Variants in LRP12 observed in about 807,000 individuals in gnomAD.
LRP12 encodes the protein LDL receptor related protein 12, also known as low-density lipoprotein receptor-related protein 12.
Under a neutral mutation model 66.0 loss-of-function variants are expected in LRP12, and 14 were observed. The ratio of observed to expected loss-of-function variants is 0.21; its 90% CI spans 0.14 to 0.33. LRP12 has a LOEUF of 0.33. Ranked by LOEUF, LRP12 falls within the 10% of genes least tolerant of loss-of-function variation. The probability of loss-of-function intolerance (pLI) is 1.00; values close to 1 mark genes in which losing one functional copy is unlikely to be tolerated. For missense variants in LRP12, 889 were observed against 1,053.4 expected (o/e 0.84, Z 2.16); for synonymous variants, 357 against 359.1 (o/e 0.99, Z 0.07).
intron 1 of LRP12, among the ~76,000 whole-genome samples, chr8:104,537,210 A>G (rs371106895): frequency 6.6e-6 from 1 of 152,068 alleles, no homozygotes; most frequent in Non-Finnish European, 1.5e-5. Flanking sequence ...GGAGAACCCA[A>G]GCAAAGCAGG....
At chr8:104,568,217 T>C (rs1256619874) in intron 1 of LRP12, among the ~76,000 whole-genome samples, 1 of 152,042 alleles carries the variant, frequency 6.6e-6, no homozygotes, top group African/African-American at 2.4e-5. Flanking sequence ...AAGGAAACCA[T>C]GTGCAAAAGA....
intron 1 of LRP12, among the ~76,000 whole-genome samples, chr8:104,544,542 G>A (rs78416918): frequency 0.031 from 4,659 of 152,220 alleles, 238 homozygotes; most frequent in African/African-American, 0.11. Flanking sequence ...CTCTCCTGTT[G>A]CAGGCTAATG....
chr8:104,553,249 G>C (rs376689975), intron 1 of LRP12, among the ~76,000 whole-genome samples: 1 of 152,190 alleles, frequency 6.6e-6, no homozygotes, highest in African/African-American at 2.4e-5. Flanking sequence ...GGGGAAAATG[G>C]GGAGTGCAGA....
intron 2 of LRP12, among the ~76,000 whole-genome samples, chr8:104,512,818 G>T (rs1216673794): frequency 6.6e-6 from 1 of 151,760 alleles, no homozygotes; most frequent in Non-Finnish European, 1.5e-5. Flanking sequence ...AACGGCCCAG[G>T]GATAAGACAT....
rs77451614 is a variant in LRP12 at position 104,511,574 on chromosome 8, G to A, written c.137-2500C>T. ...CAGGGGTTATACACTTTTCAATTTA[G>A]GTTAAGAATGCTAGGAAGTATATTA... On this transcript the variant is annotated intron_variant, in intron 2 of 6. Transcript: ENST00000276654. Among the ~76,000 whole-genome samples, 744 of 151,934 alleles carry A rather than the reference G, an allele frequency of 4.9e-3. 8 individuals are homozygous for A. Among genetic ancestry groups the A allele is most frequent in the African/African-American group, 0.017 (705 of 41,460 alleles).
chr8:104,524,354 A>C (rs1811197969), intron 2 of LRP12, among the ~76,000 whole-genome samples: 1 of 152,146 alleles, frequency 6.6e-6, no homozygotes. Flanking sequence ...GCTATTGAGT[A>C]CTTAAACTTT....
chr8:104,573,742 A>G (rs954891359), intron 1 of LRP12, among the ~76,000 whole-genome samples: 1 of 151,780 alleles, frequency 6.6e-6, no homozygotes, highest in Admixed American at 6.6e-5. Flanking sequence ...TAAACACTGA[A>G]CTCAACAAAA....
chr8:104,579,084 A>C (rs1812207659), intron 1 of LRP12, among the ~76,000 whole-genome samples: 1 of 152,158 alleles, frequency 6.6e-6, no homozygotes, highest in Non-Finnish European at 1.5e-5. Context: ...CGGTTAGGGT[A>C]ATCAAGCAAA....
intron 3 of LRP12, among the ~76,000 whole-genome samples, chr8:104,503,952 G>A (rs186259438): frequency 6.6e-6 from 1 of 152,154 alleles, no homozygotes; most frequent in East Asian, 1.9e-4. Flanking sequence ...TTTTTAAACA[G>A]ACACCCTTTA....
At chr8:104,508,861 C>T (rs1296845537) in intron 3 of LRP12, 78 bp downstream of exon 3, 1 of 1,271,844 alleles carries the variant, frequency 7.9e-7, no homozygotes, top group Non-Finnish European at 1.1e-6. Context: ...TATATTACTG[C>T]ATGTTAAGTA....
chr8:104,583,762 C>T lies in LRP12; in HGVS notation c.79+5057G>A, dbSNP rs766234949. On this transcript the variant is annotated intron_variant, in intron 1 of 6. Coordinates refer to ENST00000276654, the MANE Select transcript of LRP12 (RefSeq NM_013437.5). ...CAATATTTCTGTGTTTCAATGTTCT[C>T]TTCCATAAAACAAAAGAAAGAGTAC... is the stretch of plus-strand genomic sequence containing the variant. Among the ~76,000 whole-genome samples the T allele has an allele frequency of 6.4e-4, 97 of 152,246 alleles. 1 individual carries two copies. The Middle Eastern group carries it at 0.031, about 48-fold the overall frequency.
chr8:104,505,920 AAC>A (rs1810899813), intron 3 of LRP12: 1 of 152,152 alleles, frequency 6.6e-6, no homozygotes, highest in Non-Finnish European at 1.5e-5. Flanking sequence ...TATTTTCACT[AAC>A]CTTTTACTAA....
intron 1 of LRP12, among the ~76,000 whole-genome samples, chr8:104,544,614 TA>T (rs1564140537): frequency 6.6e-6 from 1 of 151,972 alleles, no homozygotes; most frequent in African/African-American, 2.4e-5. Context: ...CTAGGGCCCT[TA>T]GGAATTAAGC....
intron 1 of LRP12, among the ~76,000 whole-genome samples, chr8:104,563,957 T>A (rs1811955103): frequency 6.6e-6 from 1 of 152,220 alleles, no homozygotes; most frequent in African/African-American, 2.4e-5. Flanking sequence ...GAATGCTGCC[T>A]GGCTCATAGT....
chr8:104,513,844 A>G (rs1811033658), intron 2 of LRP12, among the ~76,000 whole-genome samples: 1 of 152,100 alleles, frequency 6.6e-6, no homozygotes, highest in African/African-American at 2.4e-5. Flanking sequence ...TACAATTTCA[A>G]CTATGGTCAT....
chr8:104,564,029 C>T (rs898469672), intron 1 of LRP12, among the ~76,000 whole-genome samples: 1 of 152,158 alleles, frequency 6.6e-6, no homozygotes, highest in Non-Finnish European at 1.5e-5. Context: ...TCCCTGCTTG[C>T]CTCCTGCTAC....
chr8:104,510,410 T>C (rs7839019), intron 2 of LRP12, among the ~76,000 whole-genome samples: 4,666 of 152,304 alleles, frequency 0.031, 238 homozygotes, highest in African/African-American at 0.11. Flanking sequence ...GACATCTGCA[T>C]ATCACAGAGG....
chr8:104,498,105 A>G (rs1810767348), intron 4 of LRP12, 29 bp from the exon 5 acceptor site: 1 of 1,523,648 alleles, frequency 6.6e-7, no homozygotes, highest in Admixed American at 2.2e-5. Flanking sequence ...AAATAGATGG[A>G]AAGAGAAGGA....
intron 1 of LRP12, among the ~76,000 whole-genome samples, chr8:104,586,496 A>C (rs938028328): frequency 1.3e-5 from 2 of 152,180 alleles, no homozygotes; most frequent in Non-Finnish European, 2.9e-5. Context: ...AGCCTTTTAA[A>C]ACACACACAC....
Sources: gnomAD v4.1 joint callset for allele counts (sites outside exome capture counted in the v4.1 genomes callset) on GRCh38, gnomAD v4.1.1 for gene constraint, MANE v1.5 for transcripts, NCBI Gene and HGNC (gene_info 2026-07-23, HGNC 2026-07-21) for gene names.